KIF13B: variants seen among roughly 807,000 people sequenced by gnomAD.
KIF13B encodes the protein kinesin family member 13B.
A neutral mutation model predicts 222.0 loss-of-function variants in KIF13B; 127 were observed. That is an observed-to-expected ratio of 0.57 (90% confidence interval 0.50 to 0.66). The LOEUF (loss-of-function observed/expected upper bound fraction) is 0.66, where lower values mean the gene tolerates loss of function less well. Among genes scored for constraint, KIF13B ranks in the 30% least tolerant of loss-of-function variants. KIF13B has a pLI of 0.00. For missense variants in KIF13B, 2,173 were observed against 2,379.0 expected, an observed-to-expected ratio of 0.91 and a Z score of 1.80; for synonymous variants, 976 against 919.0, an observed-to-expected ratio of 1.06 and a Z score of -1.12.
intron 9 of KIF13B, 45 bp downstream of exon 9, chr8:29,177,421 T>C (rs747119482): frequency 1.6e-6 from 2 of 1,214,826 alleles, no homozygotes; most frequent in South Asian, 2.4e-5. Context: ...CCCTATTGGC[T>C]ATTAAATAAA....
chr8:29,108,938 G>A (rs906510013), intron 34 of KIF13B, among the ~76,000 whole-genome samples: 1 of 152,172 alleles, frequency 6.6e-6, no homozygotes, highest in African/African-American at 2.4e-5. Context: ...TGTTCAATAT[G>A]CACATAAATT....
At chr8:29,161,582 G>A (rs1811776090) in intron 12 of KIF13B, among the ~76,000 whole-genome samples, 1 of 151,984 alleles carries the variant, frequency 6.6e-6, no homozygotes, top group South Asian at 2.1e-4. Context: ...TGTAATCCCA[G>A]CTACTCGGGA....
intron 17 of KIF13B, 80 bp from the exon 18 acceptor site, chr8:29,146,620 T>G (rs1198187806): frequency 4.0e-6 from 5 of 1,258,468 alleles, no homozygotes; most frequent in African/African-American, 3.0e-5. Flanking sequence ...ACAGTGGTAG[T>G]ACATCATTGC....
At chr8:29,246,028 C>T (rs536341649) in intron 1 of KIF13B, among the ~76,000 whole-genome samples, 3 of 152,256 alleles carry the variant, frequency 2.0e-5, no homozygotes, top group East Asian at 1.9e-4. Context: ...AAATTAAAGA[C>T]GTGTGGGGGA....
At position 29,245,362 on chromosome 8, in the gene KIF13B, A is replaced by T. The variant is rs1815974407; in HGVS notation, c.133T>A (p.Ser45Thr). 1.3e-6 allele frequency: 2 copies of T among 1,596,834 alleles called. No individual in the cohort carries two copies. Among genetic ancestry groups the T allele is most frequent in the Non-Finnish European group, 1.7e-6 (2 of 1,170,462 alleles). ...TTAACTCACCGGGCATCTCCTTTGGAAAGATTCGTATTTACAGGATTAAGA... is the reference window on the plus strand; with the variant it reads ...TTAACTCACCGGGCATCTCCTTTGGTAAGATTCGTATTTACAGGATTAAGA... Reference protein sequence around the residue: ...VILNPVNTNLSKGDARGQPKV... With the variant: ...VILNPVNTNLTKGDARGQPKV... The change falls in exon 2 of 40, where the codon TCC (serine) becomes ACC (threonine). Residue 45 changes from serine (S) to threonine (T), a missense_variant. Coordinates refer to ENST00000524189, the MANE Select transcript of KIF13B (RefSeq NM_015254.4).
chr8:29,097,001 C>A lies in KIF13B; in HGVS notation c.4324+2132G>T, dbSNP rs1295635888. Reference sequence around the variant, plus strand: ...GCAATGGAAGGGTTCGTGAAGCATGCCGATTGAAGGGCAGGAACTACGAGA... The same window carrying A: ...GCAATGGAAGGGTTCGTGAAGCATGACGATTGAAGGGCAGGAACTACGAGA... On this transcript the variant is annotated intron_variant, in intron 36 of 39. Transcript: ENST00000524189. Among the ~76,000 whole-genome samples, 3 of 151,900 alleles carry A rather than the reference C, an allele frequency of 2.0e-5. No homozygotes were observed. In the East Asian group the frequency reaches 5.8e-4, roughly 29 times the overall value.
intron 10 of KIF13B, among the ~76,000 whole-genome samples, chr8:29,168,733 G>GC (rs1015675480): frequency 1.3e-5 from 2 of 152,110 alleles, no homozygotes; most frequent in African/African-American, 4.8e-5. Context: ...GATGACGGCA[G>GC]CCCCCCATCC....
intron 13 of KIF13B, among the ~76,000 whole-genome samples, chr8:29,156,635 T>A (rs115255628): frequency 0.01 from 1,589 of 152,030 alleles, 25 homozygotes; most frequent in African/African-American, 0.037. Flanking sequence ...TGTCTCAGCC[T>A]CTGAGTAGCT....
intron 2 of KIF13B, among the ~76,000 whole-genome samples, chr8:29,217,386 C>T (rs1045888760): frequency 2.6e-5 from 4 of 152,242 alleles, no homozygotes; most frequent in African/African-American, 9.6e-5. Flanking sequence ...ATCCCAGCCC[C>T]ACCACTTACT....
At chr8:29,177,376 A>C (rs984597185) in intron 9 of KIF13B, 90 bp downstream of exon 9, 5 of 984,366 alleles carry the variant, frequency 5.1e-6, no homozygotes, top group Non-Finnish European at 8.0e-6. Flanking sequence ...AAAAAATTTC[A>C]AATCACCTTA....
intron 35 of KIF13B, among the ~76,000 whole-genome samples, chr8:29,102,980 C>T (rs912463194): frequency 1.3e-5 from 2 of 152,170 alleles, no homozygotes; most frequent in Non-Finnish European, 2.9e-5. Flanking sequence ...CGGTGGCTCA[C>T]GCCCGTAATC....
At chr8:29,102,457 C>T (rs939820941) in intron 35 of KIF13B, among the ~76,000 whole-genome samples, 1 of 152,178 alleles carries the variant, frequency 6.6e-6, no homozygotes, top group Non-Finnish European at 1.5e-5. Context: ...GAGATAAAAT[C>T]CTAGTCGATA....
At chr8:29,243,756 T>C (rs1213121865) in intron 2 of KIF13B, among the ~76,000 whole-genome samples, 1 of 152,232 alleles carries the variant, frequency 6.6e-6, no homozygotes, top group Non-Finnish European at 1.5e-5. Flanking sequence ...GGGTGCCACT[T>C]ATATTATAAG....
chr8:29,134,290 T>A (rs1386866522), intron 21 of KIF13B, 80 bp from the exon 22 acceptor site: 4 of 1,357,724 alleles, frequency 2.9e-6, no homozygotes. Context: ...CAGCCCCGGC[T>A]CTGTCACTAA....
At chr8:29,245,237 C>G (rs1396544164) in intron 2 of KIF13B, 109 bp downstream of exon 2, 1 of 739,076 alleles carries the variant, frequency 1.4e-6, no homozygotes, top group Non-Finnish European at 2.3e-6. Flanking sequence ...AGCAATATGT[C>G]TCTACAGGGT....
intron 2 of KIF13B, among the ~76,000 whole-genome samples, chr8:29,235,046 A>T (rs994811092): frequency 6.6e-6 from 1 of 152,216 alleles, no homozygotes; most frequent in Non-Finnish European, 1.5e-5. Context: ...TACACATTAT[A>T]AACAGAATTG....
intron 2 of KIF13B, among the ~76,000 whole-genome samples, chr8:29,229,476 T>C (rs1044131412): frequency 6.6e-6 from 1 of 152,230 alleles, no homozygotes; most frequent in Non-Finnish European, 1.5e-5. Flanking sequence ...TGAGAACTTA[T>C]ACTCTTGCAA....
chr8:29,097,861 C>T (rs1032571928), intron 36 of KIF13B, among the ~76,000 whole-genome samples: 2 of 151,928 alleles, frequency 1.3e-5, no homozygotes, highest in African/African-American at 4.8e-5. Flanking sequence ...ACAAGAGATC[C>T]TATAAGTATT....
In KIF13B at chr8:29,146,666, C is replaced by CA. The variant is rs373886250; in HGVS notation, c.2025-127dup. On this transcript the variant is annotated intron_variant, in intron 17 of 39. Coordinates refer to ENST00000524189, the MANE Select transcript of KIF13B (RefSeq NM_015254.4). ...ATTGAGCTTTTTCCGTGGTCGTCTG[C>CA]ACGCAGGGACTGTGTTGCTGACACT... 9.2e-4 allele frequency: 722 copies of CA among 781,522 alleles called. 4 individuals carry two copies. In the African/African-American group the frequency reaches 0.011, roughly 12 times the overall value. The allele number at this position is 781,522 out of a possible 1,614,324, so 48.4% of individuals were successfully genotyped here.
Sources: allele counts gnomAD v4.1 joint callset (sites outside exome capture counted in the v4.1 genomes callset), GRCh38; gene constraint gnomAD v4.1.1; transcripts MANE v1.5; gene names NCBI Gene and HGNC (gene_info 2026-07-23, HGNC 2026-07-21).